FRMD3: variants seen among roughly 807,000 people sequenced by gnomAD.
FRMD3 encodes FERM domain-containing protein 3.
Under a neutral mutation model 70.2 loss-of-function variants are expected in FRMD3, and 33 were observed. The observed-to-expected ratio is 0.47, with a 90% CI of 0.36 to 0.63. FRMD3 has a LOEUF of 0.63. Ranked by LOEUF, FRMD3 falls within the 20% of genes least tolerant of loss-of-function variation. The pLI is 0.00. For missense variants in FRMD3, 632 were observed against 711.4 expected (o/e 0.89, Z 1.27); for synonymous variants, 279 against 255.9 (o/e 1.09, Z -0.86).
chr9:83,377,473 C>T (rs1825185274), intron 2 of FRMD3, among the ~76,000 whole-genome samples: 1 of 152,054 alleles, frequency 6.6e-6, no homozygotes, highest in Non-Finnish European at 1.5e-5. Flanking sequence ...GAACCGTAAT[C>T]CCCAATGTTG....
At chr9:83,480,468 T>C (rs1828540810) in intron 1 of FRMD3, among the ~76,000 whole-genome samples, 1 of 151,730 alleles carries the variant, frequency 6.6e-6, no homozygotes, top group South Asian at 2.1e-4. Flanking sequence ...GCATTTCCAT[T>C]GTATTAGGTT....
intron 6 of FRMD3, among the ~76,000 whole-genome samples, chr9:83,320,846 GA>G (rs1456192845): frequency 6.6e-6 from 1 of 152,052 alleles, no homozygotes; most frequent in Admixed American, 6.6e-5. Context: ...GTTGCTGAGA[GA>G]TTTTTTTATT....
intron 3 of FRMD3, chr9:83,350,554 C>T (rs1343238772): frequency 5.1e-5 from 7 of 138,064 alleles, no homozygotes; most frequent in Non-Finnish European, 6.8e-5. Context: ...ACCCAGGAGG[C>T]GGAGGTTGCA....
the FRMD3 span, among the ~76,000 whole-genome samples, chr9:83,547,524 T>G: frequency 6.6e-6 from 1 of 151,946 alleles, no homozygotes; most frequent in Non-Finnish European, 1.5e-5. Context: ...AATGGAATTC[T>G]CAGATTCATA....
chr9:83,409,317 C>T (rs1035934607), intron 1 of FRMD3, among the ~76,000 whole-genome samples: 1 of 152,172 alleles, frequency 6.6e-6, no homozygotes, highest in Admixed American at 6.5e-5. Flanking sequence ...CCACTCTTCC[C>T]GTCCTTAACT....
intron 2 of FRMD3, among the ~76,000 whole-genome samples, chr9:83,374,659 C>T (rs747872736): frequency 2.6e-5 from 4 of 152,046 alleles, no homozygotes; most frequent in Non-Finnish European, 5.9e-5. Flanking sequence ...AGGGCCATTG[C>T]GAGGATTTAA....
rs79133668 is a variant in FRMD3, at chr9:83,416,550, A to T, written c.148-26842T>A. On this transcript the variant is annotated intron_variant, in intron 1 of 13. Coordinates refer to ENST00000304195, the MANE Select transcript of FRMD3 (RefSeq NM_174938.6). ...TGTTCAGAAAATATCCTTACAACTC[A>T]GCAAAGGGGCTTGGCACCTAATAGG... Among the ~76,000 whole-genome samples the T allele has an allele frequency of 3.5e-3, 540 of 152,348 alleles. 2 individuals are homozygous for T. Among genetic ancestry groups the T allele is most frequent in the African/African-American group, 0.013 (520 of 41,584 alleles).
the FRMD3 span, among the ~76,000 whole-genome samples, chr9:83,582,041 C>G: frequency 6.6e-6 from 1 of 152,012 alleles, no homozygotes; most frequent in South Asian, 2.1e-4. Context: ...AGAATTATAC[C>G]TCAAAAGGTT....
intron 12 of FRMD3, 76 bp downstream of exon 12, chr9:83,298,672 A>G (rs746589122): frequency 2.0e-5 from 22 of 1,100,274 alleles, no homozygotes; most frequent in Non-Finnish European, 2.8e-5. Context: ...ATGTCACTAC[A>G]CAAAGGGATG....
the FRMD3 span, among the ~76,000 whole-genome samples, chr9:83,583,765 C>T: frequency 1.3e-5 from 2 of 152,084 alleles, no homozygotes; most frequent in African/African-American, 2.4e-5. Flanking sequence ...CATGCCACCA[C>T]GGCCAGCTGA....
At chr9:83,366,803 TCCTCTTGATGTGTG>T (rs1467688487) in intron 3 of FRMD3, among the ~76,000 whole-genome samples, 1 of 152,212 alleles carries the variant, frequency 6.6e-6, no homozygotes, top group African/African-American at 2.4e-5. Flanking sequence ...ACAACATCTG[TCCTCTTGATGTGTG>T]CCACTTCATG....
At position 83,537,893 on chromosome 9, in the gene FRMD3, G is replaced by C. The variant is rs537645369; in HGVS notation, c.147+192C>G. Among the ~76,000 whole-genome samples, 1 of 152,164 alleles carries C rather than the reference G, an allele frequency of 6.6e-6. No homozygotes were observed. The highest frequency in any genetic ancestry group is 6.5e-5 in the Admixed American group (1 of 15,302). The stretch of plus-strand genomic sequence containing the variant: ...CGCGGATAACGCGTGCCTGGCGCTT[G>C]CAGGGCACCATGCCCCTCCATGCCA... On this transcript the variant is annotated intron_variant, in intron 1 of 13. Transcript: ENST00000304195. The surrounding 1 kb of genome is among the most constrained non-coding windows in gnomAD (Gnocchi z 4.1).
Position 83,246,177 on chromosome 9 carries a change from G to A in FRMD3, c.*1741C>T. ...ATCATGCTAATGATAGGGTTGGAAT[G>A]TCATTAGCTAGAGAGAGCGATTCCA... On this transcript the variant is annotated 3_prime_UTR_variant, in exon 14 of 14. Transcript: ENST00000304195. 2 of 985,138 alleles carry A rather than the reference G, an allele frequency of 2.0e-6. No individual in the cohort carries two copies. The highest frequency in any genetic ancestry group is 2.4e-6 in the Non-Finnish European group (2 of 829,726). 61.0% of individuals were successfully genotyped at this position (985,138 alleles called of 1,614,324 possible). A position where few individuals can be genotyped will look rare whatever the true frequency, so the allele number is the denominator to read the frequency against.
At chr9:83,390,206 A>G (rs943341208) in intron 1 of FRMD3, among the ~76,000 whole-genome samples, 19 of 152,328 alleles carry the variant, frequency 1.2e-4, no homozygotes, top group Admixed American at 3.9e-4. Flanking sequence ...TGACTTGCCC[A>G]AAGTCACACA....
intron 12 of FRMD3, among the ~76,000 whole-genome samples, chr9:83,291,727 C>T (rs1834427466): frequency 6.6e-6 from 1 of 152,208 alleles, no homozygotes; most frequent in Non-Finnish European, 1.5e-5. Flanking sequence ...GCCAGCCATA[C>T]TTGTGCATCT....
chr9:83,313,306 C>A (rs906921493), intron 7 of FRMD3, among the ~76,000 whole-genome samples: 17 of 152,100 alleles, frequency 1.1e-4, no homozygotes, highest in African/African-American at 3.9e-4. Context: ...TTTTTCCTTC[C>A]ACTTTCCCAT....
chr9:83,329,208 T>C (rs1836146477), intron 6 of FRMD3, among the ~76,000 whole-genome samples: 1 of 152,132 alleles, frequency 6.6e-6, no homozygotes, highest in Non-Finnish European at 1.5e-5. Context: ...TCATCCCATC[T>C]TCCCCCTTCC....
chr9:83,428,668 C>T (rs903880936), intron 1 of FRMD3, among the ~76,000 whole-genome samples: 3 of 152,118 alleles, frequency 2.0e-5, no homozygotes, highest in African/African-American at 7.2e-5. Flanking sequence ...CTCTAATCAT[C>T]ATTAAAACCT....
chr9:83,295,215 A>G (rs2118998985), intron 12 of FRMD3, among the ~76,000 whole-genome samples: 1 of 152,294 alleles, frequency 6.6e-6, no homozygotes, highest in East Asian at 1.9e-4. Flanking sequence ...TGTTTTTCTC[A>G]TTGTGCATGT....
Sources: allele counts gnomAD v4.1 joint callset (sites outside exome capture counted in the v4.1 genomes callset), GRCh38; gene constraint gnomAD v4.1.1; non-coding constraint Gnocchi (gnomAD v3.1); transcripts MANE v1.5; gene names NCBI Gene and HGNC (gene_info 2026-07-23, HGNC 2026-07-21).